WWOX: variants seen among roughly 807,000 people sequenced by gnomAD.
WWOX encodes WW domain containing oxidoreductase.
WWOX carries 69 observed loss-of-function variants against 46.2 expected under a neutral mutation model. The ratio of observed to expected loss-of-function variants is 1.49; its 90% CI spans 1.23 to 1.82. The LOEUF (loss-of-function observed/expected upper bound fraction) is 1.82. Ranked by LOEUF, WWOX falls within the 40% of genes most tolerant of loss-of-function variation. The probability of loss-of-function intolerance (pLI) is 0.00; values close to 1 mark genes in which losing one functional copy is unlikely to be tolerated. For synonymous variants in WWOX, 359 were observed against 202.6 expected (o/e 1.77, Z -6.56); for missense variants, 919 against 542.6 (o/e 1.69, Z -6.89).
At chr16:78,751,439 T>TTA (rs1373648417) in intron 8 of WWOX, among the ~76,000 whole-genome samples, 16 of 135,918 alleles carry the variant, frequency 1.2e-4, no homozygotes, top group Non-Finnish European at 2.0e-4. Flanking sequence ...ATTTATCAGA[T>TTA]TATATATATA....
rs949592492 is a variant in WWOX at position 78,361,824 on chromosome 16, C to T, written c.517-25036C>T. On this transcript the variant is annotated intron_variant, in intron 5 of 8. Coordinates refer to ENST00000566780, the MANE Select transcript of WWOX (RefSeq NM_016373.4). Reference sequence around the variant, plus strand: ...ATGGGGTTTCACCACTTTGACCAGGCTGGTCTCAAACTCCTCTTCTCTGGT... The same window carrying T: ...ATGGGGTTTCACCACTTTGACCAGGTTGGTCTCAAACTCCTCTTCTCTGGT... Among the ~76,000 whole-genome samples, 7 of 152,070 alleles carry T rather than the reference C, an allele frequency of 4.6e-5. 1 individual carries two copies. Among genetic ancestry groups the T allele is most frequent in the Admixed American group, 2.6e-4 (4 of 15,260 alleles).
chr16:78,813,517 C>G (rs940062515), intron 8 of WWOX, among the ~76,000 whole-genome samples: 2 of 152,032 alleles, frequency 1.3e-5, no homozygotes, highest in Non-Finnish European at 2.9e-5. Flanking sequence ...TATAATGATG[C>G]CTATCTGATT....
At chr16:78,906,714 G>A (rs1330496507) in intron 8 of WWOX, among the ~76,000 whole-genome samples, 1 of 152,168 alleles carries the variant, frequency 6.6e-6, no homozygotes, top group Non-Finnish European at 1.5e-5. Context: ...TCAGCTCTAT[G>A]GATGTGCCCA....
chr16:79,210,978 G>A (rs1337729025), intron 8 of WWOX, among the ~76,000 whole-genome samples: 2 of 151,900 alleles, frequency 1.3e-5, no homozygotes, highest in Non-Finnish European at 2.9e-5. Context: ...GTTTTCATGG[G>A]ATCTGGATGA....
chr16:79,080,417 C>G (rs746445593), intron 8 of WWOX, among the ~76,000 whole-genome samples: 19 of 152,266 alleles, frequency 1.2e-4, no homozygotes, highest in Admixed American at 8.5e-4. Context: ...ACCAAATTGC[C>G]TAACACTGAA....
At chr16:78,410,676 C>T (rs1036044446) in intron 6 of WWOX, among the ~76,000 whole-genome samples, 13 of 151,620 alleles carry the variant, frequency 8.6e-5, no homozygotes, top group African/African-American at 1.5e-4. Flanking sequence ...CATGGTGGCA[C>T]ATGCATGTAA....
At chr16:78,326,570 T>TCCCCC (rs1287342811) in intron 5 of WWOX, among the ~76,000 whole-genome samples, 4 of 9,996 alleles carry the variant, frequency 4.0e-4, no homozygotes, top group Non-Finnish European at 7.9e-4. Context: ...CTGCCTGCCC[T>TCCCCC]CCCCCCGCCC....
chr16:79,150,515 T>A (rs1226277396), intron 8 of WWOX, among the ~76,000 whole-genome samples: 1 of 152,172 alleles, frequency 6.6e-6, no homozygotes, highest in Non-Finnish European at 1.5e-5. Context: ...CCAAAGATAG[T>A]GTGCATGCCT....
At chr16:79,059,185 A>G (rs1009575928) in intron 8 of WWOX, among the ~76,000 whole-genome samples, 1 of 152,238 alleles carries the variant, frequency 6.6e-6, no homozygotes, top group East Asian at 1.9e-4. Flanking sequence ...GTTTGCAAGA[A>G]ATGGATTTCA....
At chr16:79,036,988 G>C (rs1475347438) in intron 8 of WWOX, among the ~76,000 whole-genome samples, 2 of 152,188 alleles carry the variant, frequency 1.3e-5, no homozygotes, top group Non-Finnish European at 2.9e-5. Context: ...TGGGTATAGT[G>C]ATGGGTCTCT....
intron 8 of WWOX, among the ~76,000 whole-genome samples, chr16:78,600,894 G>A (rs536883411): frequency 1.3e-5 from 2 of 152,284 alleles, no homozygotes; most frequent in East Asian, 3.9e-4. Flanking sequence ...AGAAGCCTGT[G>A]TGACCCTGTG....
At chr16:78,483,887 G>A (rs138186318) in intron 8 of WWOX, among the ~76,000 whole-genome samples, 333 of 152,286 alleles carry the variant, frequency 2.2e-3, no homozygotes, top group African/African-American at 7.8e-3. Context: ...AAAACATCTT[G>A]TGGTCAACAG....
intron 8 of WWOX, among the ~76,000 whole-genome samples, chr16:79,002,873 A>C (rs112378767): frequency 6.6e-6 from 1 of 152,224 alleles, no homozygotes; most frequent in Non-Finnish European, 1.5e-5. Context: ...AAATAACTCC[A>C]TGATGAAACA....
intron 8 of WWOX, among the ~76,000 whole-genome samples, chr16:78,838,432 A>G (rs2052049789): frequency 6.6e-6 from 1 of 152,332 alleles, no homozygotes; most frequent in Admixed American, 6.5e-5. Context: ...ATACACAATA[A>G]GAATATTTTC....
chr16:78,395,718 T>C (rs1347829801), intron 6 of WWOX, among the ~76,000 whole-genome samples: 5 of 152,100 alleles, frequency 3.3e-5, no homozygotes, highest in Admixed American at 3.3e-4. Flanking sequence ...CATAAAGTAC[T>C]TTATTACTCT....
intron 8 of WWOX, among the ~76,000 whole-genome samples, chr16:79,193,573 T>C (rs2051179463): frequency 6.6e-6 from 1 of 152,224 alleles, no homozygotes; most frequent in South Asian, 2.1e-4. Context: ...CAGTCATCCA[T>C]CTGCGTGGTC....
At chr16:78,636,385 C>G (rs1356419547) in intron 8 of WWOX, among the ~76,000 whole-genome samples, 7 of 152,146 alleles carry the variant, frequency 4.6e-5, no homozygotes, top group African/African-American at 1.4e-4. Context: ...AATCATCAGA[C>G]TTTCAGTGTT....
At chr16:79,171,030 G>A (rs1273939453) in intron 8 of WWOX, among the ~76,000 whole-genome samples, 1 of 152,204 alleles carries the variant, frequency 6.6e-6, no homozygotes, top group South Asian at 2.1e-4. Flanking sequence ...CAAAGGATTA[G>A]TCAGCCTAGA....
At chr16:78,312,993 T>C (rs932882891) in intron 5 of WWOX, among the ~76,000 whole-genome samples, 1 of 152,214 alleles carries the variant, frequency 6.6e-6, no homozygotes, top group Admixed American at 6.5e-5. Context: ...TGTTGAGTGA[T>C]TGTGAATGTT....
Sources: gnomAD v4.1 joint callset for allele counts (sites outside exome capture counted in the v4.1 genomes callset) on GRCh38, gnomAD v4.1.1 for gene constraint, MANE v1.5 for transcripts, NCBI Gene and HGNC (gene_info 2026-07-23, HGNC 2026-07-21) for gene names.